The following NELL1 variants were observed in gnomAD, a reference collection of about 807,000 sequenced individuals.
The protein encoded by NELL1 is protein kinase C-binding protein NELL1.
In NELL1, 76 loss-of-function variants were observed where a neutral mutation model predicts 107.4. The observed-to-expected ratio is 0.71, with a 90% CI of 0.59 to 0.86. The LOEUF (loss-of-function observed/expected upper bound fraction) is 0.86. NELL1 is among the 40% of genes least tolerant of loss of function. The pLI, the probability that NELL1 is intolerant of heterozygous loss-of-function variation, is 0.00. For missense variants in NELL1, 1,024 were observed against 1,005.5 expected (o/e 1.02, Z -0.25); for synonymous variants, 353 against 341.2 (o/e 1.03, Z -0.38).
intron 12 of NELL1, among the ~76,000 whole-genome samples, chr11:21,079,599 A>C (rs1411402805): frequency 6.6e-6 from 1 of 152,072 alleles, no homozygotes; most frequent in Non-Finnish European, 1.5e-5. Flanking sequence ...CGTCTAGTAA[A>C]GTAAACCTCC....
At chr11:20,908,453 A>G (rs1338625855) in intron 5 of NELL1, among the ~76,000 whole-genome samples, 1 of 152,122 alleles carries the variant, frequency 6.6e-6, no homozygotes, top group Non-Finnish European at 1.5e-5. Flanking sequence ...ACTAACACAG[A>G]AGGAGAAAAC....
intron 2 of NELL1, among the ~76,000 whole-genome samples, chr11:20,703,433 G>A (rs1854851522): frequency 6.6e-6 from 1 of 151,906 alleles, no homozygotes; most frequent in Admixed American, 6.6e-5. Flanking sequence ...GAATTTTGTT[G>A]ATCTTTTCAA....
intron 9 of NELL1, chr11:20,935,573 G>A (rs1294362475): frequency 6.6e-6 from 1 of 152,154 alleles, no homozygotes; most frequent in Admixed American, 6.5e-5. Context: ...TAAGGATTTT[G>A]GACTTTATTC....
intron 12 of NELL1, among the ~76,000 whole-genome samples, chr11:21,073,053 T>C (rs1231901576): frequency 6.6e-6 from 1 of 152,072 alleles, no homozygotes; most frequent in Non-Finnish European, 1.5e-5. Context: ...ACCTCCCTCC[T>C]TTTTCTCTGT....
chr11:21,494,746 A>G (rs1440592410), intron 15 of NELL1, among the ~76,000 whole-genome samples: 1 of 152,044 alleles, frequency 6.6e-6, no homozygotes, highest in African/African-American at 2.4e-5. Flanking sequence ...TATTCATGCA[A>G]TGTAATATTA....
chr11:20,992,654 C>G (rs114745011), intron 12 of NELL1, among the ~76,000 whole-genome samples: 1 of 151,374 alleles, frequency 6.6e-6, no homozygotes, highest in Non-Finnish European at 1.5e-5. Flanking sequence ...TAACCAATGT[C>G]CAGGGCTGTT....
At position 21,070,556 on chromosome 11, in the gene NELL1, C is replaced by G. The variant is rs116723990; in HGVS notation, c.1301-43033C>G. 5.5e-3 allele frequency among the ~76,000 whole-genome samples: 833 copies of G among 152,140 alleles called. 6 individuals carry two copies. Among genetic ancestry groups the G allele is most frequent in the African/African-American group, 0.019 (800 of 41,532 alleles). ...GCTACTGAAATTGAACAATATTTTT[C>G]CTAATTTGCAAAAAAATACATTAAT... On this transcript the variant is annotated intron_variant, in intron 12 of 19. Coordinates refer to ENST00000357134, the MANE Select transcript of NELL1 (RefSeq NM_006157.5).
At chr11:21,409,472 C>T (rs1374312818) in intron 15 of NELL1, among the ~76,000 whole-genome samples, 2 of 151,746 alleles carry the variant, frequency 1.3e-5, no homozygotes, top group Non-Finnish European at 2.9e-5. Context: ...AGGAGATATA[C>T]CTAATGCTAA....
chr11:20,715,044 C>T (rs567169997), intron 2 of NELL1, among the ~76,000 whole-genome samples: 1 of 152,084 alleles, frequency 6.6e-6, no homozygotes, highest in South Asian at 2.1e-4. Context: ...GAGATCGAGA[C>T]CATCCTGGCT....
intron 14 of NELL1, among the ~76,000 whole-genome samples, chr11:21,276,472 C>T (rs528953137): frequency 4.6e-5 from 7 of 152,232 alleles, no homozygotes; most frequent in African/African-American, 1.7e-4. Flanking sequence ...GCCATACTGC[C>T]CAAGGTAATT....
intron 2 of NELL1, among the ~76,000 whole-genome samples, chr11:20,719,318 C>T (rs1366214208): frequency 3.9e-5 from 6 of 152,118 alleles, no homozygotes; most frequent in Non-Finnish European, 5.9e-5. Flanking sequence ...ATTTGATTCT[C>T]TTGCTTCAGG....
chr11:21,446,813 A>G (rs956145245), intron 15 of NELL1, among the ~76,000 whole-genome samples: 2 of 152,164 alleles, frequency 1.3e-5, no homozygotes, highest in African/African-American at 4.8e-5. Flanking sequence ...GGGCTCCACA[A>G]TCAGCACATT....
At chr11:21,440,368 A>C (rs952267899) in intron 15 of NELL1, among the ~76,000 whole-genome samples, 9 of 152,132 alleles carry the variant, frequency 5.9e-5, no homozygotes, top group African/African-American at 1.9e-4. Context: ...CATCATAGCA[A>C]CCTAAAGGTA....
At chr11:20,828,665 A>G (rs1217758525) in intron 3 of NELL1, among the ~76,000 whole-genome samples, 1 of 152,132 alleles carries the variant, frequency 6.6e-6, no homozygotes, top group Admixed American at 6.6e-5. Context: ...TGAGATGTCC[A>G]CCCAGTCTCA....
At chr11:21,306,012 A>G (rs545141166) in intron 14 of NELL1, among the ~76,000 whole-genome samples, 3 of 152,024 alleles carry the variant, frequency 2.0e-5, no homozygotes, top group African/African-American at 4.8e-5. Flanking sequence ...CTGTATGCCA[A>G]TTTGGTTAAA....
intron 12 of NELL1, among the ~76,000 whole-genome samples, chr11:21,031,158 G>T (rs1852945855): frequency 1.3e-5 from 2 of 152,022 alleles, no homozygotes; most frequent in Admixed American, 6.6e-5. Flanking sequence ...TAATTATAAT[G>T]ACTAGGTAAC....
rs552839931 is a variant in NELL1 at position 21,183,203 on chromosome 11, G to GT, written c.1427-46123dup. Among the ~76,000 whole-genome samples, 470 of 151,914 alleles carry GT rather than the reference G, an allele frequency of 3.1e-3. 13 individuals are homozygous for GT. Among genetic ancestry groups the GT allele is most frequent in the African/African-American group, 0.011 (451 of 41,230 alleles). On this transcript the variant is annotated intron_variant, in intron 13 of 19. Transcript: ENST00000357134. The stretch of plus-strand genomic sequence containing the variant: ...ACCTCAGTATAATATAATCTTATAC[G>GT]TTTTTTATGAACATGATCTGTCTCT...
chr11:21,309,359 T>G (rs1476813829), intron 14 of NELL1, among the ~76,000 whole-genome samples: 1 of 147,926 alleles, frequency 6.8e-6, no homozygotes, highest in Non-Finnish European at 1.5e-5. Context: ...CTATCATTTC[T>G]TAGAATGATT....
intron 14 of NELL1, among the ~76,000 whole-genome samples, chr11:21,270,196 C>T (rs534248541): frequency 6.6e-6 from 1 of 152,132 alleles, no homozygotes; most frequent in African/African-American, 2.4e-5. Context: ...AGTAGTGTCA[C>T]TTGTGTCAAC....
Sources: allele counts gnomAD v4.1 joint callset (sites outside exome capture counted in the v4.1 genomes callset), GRCh38; gene constraint gnomAD v4.1.1; transcripts MANE v1.5; gene names NCBI Gene and HGNC (gene_info 2026-07-23, HGNC 2026-07-21).